SERF2: variants seen among roughly 807,000 people sequenced by gnomAD.
SERF2 encodes small EDRK-rich factor 2, also known as gastric cancer-related protein VRG107.
In SERF2, 4 loss-of-function variants were observed where a neutral mutation model predicts 10.7. The ratio of observed to expected loss-of-function variants is 0.37; its 90% confidence interval spans 0.18 to 0.86. SERF2 has a LOEUF of 0.86. SERF2 is among the 40% of genes least tolerant of loss of function. The pLI is 0.43. For synonymous variants in SERF2, 26 were observed against 26.0 expected (o/e 1.00, Z 0.01); for missense variants, 47 against 79.1 (o/e 0.59, Z 1.54).
intron 1 of SERF2, among the ~76,000 whole-genome samples, chr15:43,780,543 C>A (rs2086956523): frequency 1.3e-5 from 2 of 152,070 alleles, no homozygotes. Context: ...AAAACTGAAA[C>A]TCTATATCCA....
rs535755596 is a variant in SERF2, at chr15:43,796,050, A to G, written c.*2277A>G. On this transcript the variant is annotated 3_prime_UTR_variant, in exon 3 of 3. Coordinates refer to ENST00000249786, the MANE Select transcript of SERF2 (RefSeq NM_001018108.4). The stretch of plus-strand genomic sequence containing the variant: ...CATTGTGGGTACTCAATAAAAGGTA[A>G]CAGCAGCTATAATCTGAGCATTCTG... 3.7e-5 allele frequency: 31 copies of G among 836,924 alleles called. 1 individual carries two copies. Among genetic ancestry groups the G allele is most frequent in the South Asian group, 5.9e-5 (4 of 67,556 alleles). The allele number at this position is 836,924 out of a possible 1,614,324, so 51.8% of individuals were successfully genotyped here. A position where few individuals can be genotyped will look rare whatever the true frequency, so the allele number is the denominator to read the frequency against.
At chr15:43,784,699 G>A (rs529510383) in intron 1 of SERF2, among the ~76,000 whole-genome samples, 204 of 151,782 alleles carry the variant, frequency 1.3e-3, no homozygotes, top group African/African-American at 4.8e-3. Flanking sequence ...CTCGTGATCC[G>A]CCTGCCTCAG....
At position 43,795,753 on chromosome 15, in the gene SERF2, A is replaced by C; in HGVS notation, c.*1980A>C. The C allele has an allele frequency of 1.9e-6, 3 of 1,612,718 alleles. No individual in the cohort carries two copies. The highest frequency in any genetic ancestry group is 2.2e-5 in the South Asian group (2 of 90,952). On this transcript the variant is annotated 3_prime_UTR_variant, in exon 3 of 3. Transcript: ENST00000249786. ...TGAGGGCTTCTGCAAAACAGAACGC[A>C]GGTTTTGGAATGGTCTTAAAAGATG...
intron 1 of SERF2, among the ~76,000 whole-genome samples, chr15:43,780,196 A>G (rs371705346): frequency 6.6e-6 from 1 of 152,062 alleles, no homozygotes; most frequent in East Asian, 1.9e-4. Context: ...CTGGAGTGCA[A>G]TGGTGCGATC....
chr15:43,795,441 G>T lies in SERF2; in HGVS notation c.*1668G>T. On this transcript the variant is annotated 3_prime_UTR_variant, in exon 3 of 3. Transcript: ENST00000249786. ...CATAGAGTGAGGCAAGGAAGAAGAC[G>T]AAGTGGAAGGCAGAATAGTTGTAGG... 6.2e-7 allele frequency: 1 copy of T among 1,614,204 alleles called. No individual in the cohort carries two copies. Among genetic ancestry groups the T allele is most frequent in the Non-Finnish European group, 8.5e-7 (1 of 1,180,030 alleles).
At position 43,794,271 on chromosome 15, in the gene SERF2, AT is replaced by A; in HGVS notation, c.*503del. 3.1e-6 allele frequency: 1 copy of A among 321,206 alleles called. No homozygotes were observed. The highest frequency in any genetic ancestry group is 5.7e-6 in the Non-Finnish European group (1 of 174,420). The allele number at this position is 321,206 out of a possible 1,614,324, so 19.9% of individuals were successfully genotyped here. On this transcript the variant is annotated 3_prime_UTR_variant, in exon 3 of 3. Transcript: ENST00000249786. ...GAACCATAGAGACTTCTTTTCTGTG[AT>A]TTTTGTTCCCCACCCTTGAACACCA...
chr15:43,786,327 A>G (rs573460604), intron 2 of SERF2, among the ~76,000 whole-genome samples: 2 of 149,494 alleles, frequency 1.3e-5, no homozygotes, highest in South Asian at 4.3e-4. Context: ...AGGCAGGAGA[A>G]TGGTATGAGC....
upstream of SERF2, among the ~76,000 whole-genome samples, chr15:43,788,351 C>A (rs983613464): frequency 2.0e-5 from 3 of 152,170 alleles, no homozygotes; most frequent in Non-Finnish European, 4.4e-5. Flanking sequence ...TGGTCTTGAT[C>A]TCCTGACCTC....
chr15:43,793,977 G>A lies in SERF2; in HGVS notation c.*204G>A, dbSNP rs551831965. 1 of 1,522,534 alleles carries A rather than the reference G, an allele frequency of 6.6e-7. No homozygotes were observed. The highest frequency in any genetic ancestry group is 1.7e-4 in the Middle Eastern group (1 of 5,828). The allele number at this position is 1,522,534 out of a possible 1,614,324, so 94.3% of individuals were successfully genotyped here. A position where few individuals can be genotyped will look rare whatever the true frequency, so the allele number is the denominator to read the frequency against. The stretch of plus-strand genomic sequence containing the variant: ...CTGGGCCACTCCCGGGGGTGAGGGG[G>A]TTACCCCTTCCCAGTGTTTTTTATT... On this transcript the variant is annotated 3_prime_UTR_variant, in exon 3 of 3. Transcript: ENST00000249786.
At chr15:43,792,520 C>T (rs2087086321) in intron 1 of SERF2, 137 bp downstream of exon 1, 8 of 1,539,892 alleles carry the variant, frequency 5.2e-6, no homozygotes, top group South Asian at 1.2e-5. Flanking sequence ...CACCCTCACA[C>T]TCGGTGCCCG....
Position 43,792,340 on chromosome 15 carries a change from G to A in SERF2, c.-37G>A. 6.5e-7 allele frequency: 1 copy of A among 1,534,372 alleles called. No individual in the cohort carries two copies. Reference sequence around the variant, plus strand: ...CCTGCAACGTCCGACAGAACGAGGGGACGTAACGGAGGCAGGTTGGAGCCG... The same window carrying A: ...CCTGCAACGTCCGACAGAACGAGGGAACGTAACGGAGGCAGGTTGGAGCCG... On this transcript the variant is annotated 5_prime_UTR_variant, in exon 1 of 3. Transcript: ENST00000249786.
In SERF2 at chr15:43,794,080, G is replaced by C. The variant is rs987690183; in HGVS notation, c.*307G>C. 12 of 1,119,012 alleles carry C rather than the reference G, an allele frequency of 1.1e-5. No individual in the cohort carries two copies. In the African/African-American group the frequency reaches 1.7e-4, roughly 16 times the overall value. 69.3% of individuals were successfully genotyped at this position (1,119,012 alleles called of 1,614,324 possible). A position where few individuals can be genotyped will look rare whatever the true frequency, so the allele number is the denominator to read the frequency against. On this transcript the variant is annotated 3_prime_UTR_variant, in exon 3 of 3. Transcript: ENST00000249786. ...CCTGGTTTGACTGGGGACTTGGGGG[G>C]ATGGGGTTGGAAGAATGACTGCCCT...
chr15:43,793,648 C>G (rs2087127732), intron 2 of SERF2, 62 bp from the exon 3 acceptor site: 1 of 1,613,782 alleles, frequency 6.2e-7, no homozygotes, highest in Non-Finnish European at 8.5e-7. Flanking sequence ...CCCTTCATCC[C>G]CCTGCATCTT....
chr15:43,782,996 C>G (rs13380397), intron 1 of SERF2, among the ~76,000 whole-genome samples: 1 of 146,020 alleles, frequency 6.8e-6, no homozygotes, highest in Non-Finnish European at 1.5e-5. Flanking sequence ...AGGCACGCAC[C>G]ACCACACCTG....
chr15:43,792,370 C>T lies in SERF2; in HGVS notation c.-7C>T, dbSNP rs201862042. 1.9e-4 allele frequency: 309 copies of T among 1,611,480 alleles called. No homozygotes were observed. The highest frequency in any genetic ancestry group is 2.4e-4 in the Non-Finnish European group (282 of 1,177,716). ...AACGGAGGCAGGTTGGAGCCGCTGCCGTCGCCATGACCCGTGAGCACCGAG... is the reference window on the plus strand; with the variant it reads ...AACGGAGGCAGGTTGGAGCCGCTGCTGTCGCCATGACCCGTGAGCACCGAG... On this transcript the variant is annotated 5_prime_UTR_variant, in exon 1 of 3. Coordinates refer to ENST00000249786, the MANE Select transcript of SERF2 (RefSeq NM_001018108.4).
At chr15:43,787,677 C>T (rs2087018957), upstream of SERF2, among the ~76,000 whole-genome samples, 1 of 151,506 alleles carries the variant, frequency 6.6e-6, no homozygotes, top group Non-Finnish European at 1.5e-5. Flanking sequence ...GGATTATAGG[C>T]GTGAGCCACC....
upstream of SERF2, among the ~76,000 whole-genome samples, chr15:43,790,929 ATT>A (rs1352371011): frequency 7.3e-6 from 1 of 136,196 alleles, no homozygotes; most frequent in Non-Finnish European, 1.6e-5. Context: ...ACACCCAGCT[ATT>A]TTTTTTTTTT....
In SERF2 at chr15:43,795,648, G is replaced by GAGATCTACCACTTCTT; in HGVS notation, c.*1877_*1892dup. 1 of 1,611,788 alleles carries GAGATCTACCACTTCTT rather than the reference G, an allele frequency of 6.2e-7. No homozygotes were observed. Among genetic ancestry groups the GAGATCTACCACTTCTT allele is most frequent in the Middle Eastern group, 1.7e-4 (1 of 6,058 alleles). On this transcript the variant is annotated 3_prime_UTR_variant, in exon 3 of 3. Coordinates refer to ENST00000249786, the MANE Select transcript of SERF2 (RefSeq NM_001018108.4). ...TTGAGGGTTCTTATGGCACTCCACA[G>GAGATCTACCACTTCTT]AGATCTACCACTTCTTATGGTTCCT...
chr15:43,795,519 C>T lies in SERF2; in HGVS notation c.*1746C>T. ...CTGGAGGGGTTTCTTGGTCAGCTGG[C>T]CTCGCAGCCCCACCCCTTTGCCCTG... is the stretch of plus-strand genomic sequence containing the variant. On this transcript the variant is annotated 3_prime_UTR_variant, in exon 3 of 3. Transcript: ENST00000249786. The T allele has an allele frequency of 6.2e-7, 1 of 1,614,170 alleles. No homozygotes were observed.
Sources: allele counts gnomAD v4.1 joint callset (sites outside exome capture counted in the v4.1 genomes callset), GRCh38; gene constraint gnomAD v4.1.1; transcripts MANE v1.5; gene names NCBI Gene and HGNC (gene_info 2026-07-23, HGNC 2026-07-21).